FBRSL1: variants seen among roughly 807,000 people sequenced by gnomAD.
FBRSL1 encodes the protein fibrosin like 1, also known as fibrosin-1-like protein.
A neutral mutation model predicts 89.6 loss-of-function variants in FBRSL1; 51 were observed. That is an observed-to-expected ratio of 0.57 (90% CI 0.45 to 0.72). The LOEUF is 0.72. Among genes scored for constraint, FBRSL1 ranks in the 30% least tolerant of loss-of-function variants. The pLI is 0.00. For missense variants in FBRSL1, 1,618 were observed against 1,451.8 expected, an observed-to-expected ratio of 1.11 and a Z score of -1.86; for synonymous variants, 779 against 681.1, an observed-to-expected ratio of 1.14 and a Z score of -2.24.
At chr12:132,544,544 G>A (rs1444842580) in intron 4 of FBRSL1, among the ~76,000 whole-genome samples, 1 of 152,190 alleles carries the variant, frequency 6.6e-6, no homozygotes, top group East Asian at 1.9e-4. Flanking sequence ...AGACAATGAT[G>A]GTGATGATGG....
intron 4 of FBRSL1, among the ~76,000 whole-genome samples, chr12:132,538,190 G>A (rs907586256): frequency 2.6e-5 from 4 of 152,228 alleles, no homozygotes; most frequent in Admixed American, 6.5e-5. Context: ...AAGGGGCCTG[G>A]GAGGGTGTGT....
intron 2 of FBRSL1, chr12:132,509,402 G>A: frequency 1.6e-6 from 2 of 1,242,460 alleles, no homozygotes; most frequent in Non-Finnish European, 2.0e-6. Flanking sequence ...GCCAGCCCCG[G>A]CGGTCACTTC....
intron 2 of FBRSL1, among the ~76,000 whole-genome samples, chr12:132,513,028 C>T (rs2034512520): frequency 6.6e-6 from 1 of 152,192 alleles, no homozygotes; most frequent in African/African-American, 2.4e-5. Flanking sequence ...GGGGCCCGCG[C>T]CCTGGTGGGG....
chr12:132,564,006 C>T (rs1026173568), intron 5 of FBRSL1, among the ~76,000 whole-genome samples: 5 of 152,130 alleles, frequency 3.3e-5, no homozygotes, highest in Admixed American at 6.5e-5. Context: ...CTGCACCCCT[C>T]GGCTGCTGTG....
intron 5 of FBRSL1, chr12:132,551,243 T>G: frequency 5.3e-6 from 2 of 376,324 alleles, no homozygotes; most frequent in Non-Finnish European, 1.1e-5. Context: ...GAACTGGATA[T>G]GGAAGGAAGG....
intron 5 of FBRSL1, chr12:132,566,519 C>T (rs1317144438): frequency 2.1e-5 from 1 of 47,682 alleles, no homozygotes; most frequent in African/African-American, 1.4e-4. Context: ...GCATGGGGCC[C>T]TCCGTCCACC....
intron 5 of FBRSL1, among the ~76,000 whole-genome samples, chr12:132,566,745 C>T (rs1198225929): frequency 6.6e-6 from 1 of 151,700 alleles, no homozygotes; most frequent in Non-Finnish European, 1.5e-5. Flanking sequence ...CATTCTGTGG[C>T]TGCTGGGAGC....
intron 5 of FBRSL1, among the ~76,000 whole-genome samples, chr12:132,550,077 G>A (rs557836244): frequency 2.9e-4 from 44 of 151,884 alleles, no homozygotes; most frequent in African/African-American, 5.3e-4. Context: ...GGAGGGTCCC[G>A]GCAGGGAGAG....
intron 2 of FBRSL1, among the ~76,000 whole-genome samples, chr12:132,517,817 G>A (rs528690313): frequency 2.0e-5 from 3 of 151,974 alleles, no homozygotes; most frequent in Non-Finnish European, 2.9e-5. Flanking sequence ...ACAAACTCGT[G>A]GGGGAGGCAG....
intron 4 of FBRSL1, among the ~76,000 whole-genome samples, chr12:132,535,808 CGT>C (rs34390795): frequency 0.29 from 43,113 of 147,684 alleles, 6,980 homozygotes; most frequent in East Asian, 0.52. Context: ...CGTGAGTGCA[CGT>C]GTGTCCATGA....
intron 4 of FBRSL1, among the ~76,000 whole-genome samples, chr12:132,538,738 G>T (rs1479813499): frequency 2.6e-5 from 4 of 152,216 alleles, no homozygotes; most frequent in Non-Finnish European, 5.9e-5. Context: ...CTTGTTAATT[G>T]CTCATTAATT....
intron 2 of FBRSL1, among the ~76,000 whole-genome samples, chr12:132,517,206 C>G (rs959187882): frequency 1.3e-5 from 2 of 152,118 alleles, no homozygotes; most frequent in Non-Finnish European, 2.9e-5. Context: ...AGAGCTTCCT[C>G]CCACCTGACA....
At chr12:132,582,361 C>G (rs1268464056) in intron 18 of FBRSL1, 95 bp downstream of exon 18, 4 of 1,061,138 alleles carry the variant, frequency 3.8e-6, no homozygotes, top group South Asian at 1.5e-5. Flanking sequence ...CCCGTTCCCT[C>G]TTCTCCCCGT....
Position 132,540,352 on chromosome 12 carries a change from C to G in FBRSL1, c.616-7651C>G, listed in dbSNP as rs534424441. Reference sequence around the variant, plus strand: ...CTGCCCCCAGCCCTCTCTCAGTTGACCCCAGGTCCCTCCCGCCAGGTGCCA... The same window carrying G: ...CTGCCCCCAGCCCTCTCTCAGTTGAGCCCAGGTCCCTCCCGCCAGGTGCCA... On this transcript the variant is annotated intron_variant, in intron 4 of 18. Transcript: ENST00000680143. Among the ~76,000 whole-genome samples, 334 of 121,836 alleles carry G rather than the reference C, an allele frequency of 2.7e-3. 3 individuals carry two copies. Among genetic ancestry groups the G allele is most frequent in the African/African-American group, 9.1e-3 (285 of 31,448 alleles). The allele number at this position is 121,836 out of a possible 152,430, so 79.9% of individuals were successfully genotyped here.
intron 4 of FBRSL1, among the ~76,000 whole-genome samples, chr12:132,547,658 A>C (rs554712133): frequency 5.6e-4 from 86 of 152,300 alleles, no homozygotes; most frequent in African/African-American, 1.9e-3. Context: ...TGGCTGGCCC[A>C]GGATGGGGGT....
intron 2 of FBRSL1, among the ~76,000 whole-genome samples, chr12:132,524,137 G>A (rs555134179): frequency 6.6e-6 from 1 of 152,372 alleles, no homozygotes; most frequent in East Asian, 1.9e-4. Flanking sequence ...CCGAAACTGA[G>A]GCTGGGGCAG....
intron 11 of FBRSL1, among the ~76,000 whole-genome samples, chr12:132,572,885 G>A (rs12305302): frequency 0.09 from 13,655 of 152,282 alleles, 641 homozygotes; most frequent in Middle Eastern, 0.14. Flanking sequence ...GCACACTGTG[G>A]AAGCCTCGAA....
In FBRSL1 at chr12:132,546,334, C is replaced by T. The variant is rs902149084; in HGVS notation, c.616-1669C>T. 3.3e-5 allele frequency among the ~76,000 whole-genome samples: 5 copies of T among 152,276 alleles called. No homozygotes were observed. Among genetic ancestry groups the T allele is most frequent in the African/African-American group, 9.6e-5 (4 of 41,478 alleles). On this transcript the variant is annotated intron_variant, in intron 4 of 18. Transcript: ENST00000680143. This position sits in a 1 kb window ranked among gnomAD's most constrained non-coding sequence, Gnocchi z 4.0. Reference sequence around the variant, plus strand: ...GGCCCAGCCCTTGGTGAGCTCCGCACCTGCAGCCTCCGGGGCGGGATGGGC... The same window carrying T: ...GGCCCAGCCCTTGGTGAGCTCCGCATCTGCAGCCTCCGGGGCGGGATGGGC...
chr12:132,552,102 T>C (rs997810926), intron 5 of FBRSL1: 12 of 192,244 alleles, frequency 6.2e-5, no homozygotes, highest in Admixed American at 5.3e-4. Flanking sequence ...ACAGCCTCCA[T>C]GTTCTGTCTG....
Sources: allele counts gnomAD v4.1 joint callset (sites outside exome capture counted in the v4.1 genomes callset), GRCh38; gene constraint gnomAD v4.1.1; non-coding constraint Gnocchi (gnomAD v3.1); transcripts MANE v1.5; gene names NCBI Gene and HGNC (gene_info 2026-07-23, HGNC 2026-07-21).